POLA1: variants seen among roughly 807,000 people sequenced by gnomAD.
POLA1 encodes DNA polymerase alpha 1, catalytic subunit.
Under a neutral mutation model 124.0 loss-of-function variants are expected in POLA1, and 15 were observed. The ratio of observed to expected loss-of-function variants is 0.12; its 90% confidence interval spans 0.08 to 0.19. The LOEUF (loss-of-function observed/expected upper bound fraction) is 0.19, where lower values mean the gene tolerates loss of function less well. Among genes scored for constraint, POLA1 ranks in the 10% least tolerant of loss-of-function variants. The pLI is 1.00. For synonymous variants in POLA1, 408 were observed against 389.4 expected (o/e 1.05, Z -0.56); for missense variants, 886 against 1,103.4 (o/e 0.80, Z 2.79).
intron 34 of POLA1, among the ~76,000 whole-genome samples, chrX:24,885,037 G>A (rs1012030103): frequency 3.6e-5 from 4 of 112,086 alleles, no homozygotes; most frequent in Non-Finnish European, 7.5e-5. Context: ...TTGTGAAGTC[G>A]TAGTAAATTG....
At chrX:24,776,637 C>T (rs1288099567) in intron 26 of POLA1, among the ~76,000 whole-genome samples, 3 of 111,951 alleles carry the variant, frequency 2.7e-5, no homozygotes, top group Non-Finnish European at 5.6e-5. Context: ...AGCATGGGGC[C>T]TCATTTTCTG....
At chrX:24,986,523 A>G (rs2048483409) in intron 36 of POLA1, among the ~76,000 whole-genome samples, 1 of 109,666 alleles carries the variant, frequency 9.1e-6, no homozygotes, top group African/African-American at 3.3e-5. Context: ...TAATCTCAGC[A>G]CTGTGAGATG....
intron 35 of POLA1, among the ~76,000 whole-genome samples, chrX:24,916,287 C>T (rs867780695): frequency 2.4e-3 from 233 of 95,115 alleles, no homozygotes; most frequent in Non-Finnish European, 3.9e-3. Flanking sequence ...TTTCTTTTTT[C>T]TTTTTTTTTT....
At chrX:24,751,717 A>G (rs1932330403) in intron 26 of POLA1, among the ~76,000 whole-genome samples, 2 of 112,393 alleles carry the variant, frequency 1.8e-5, no homozygotes, top group South Asian at 7.4e-4. Flanking sequence ...GATAATTGTT[A>G]GCACTGGTGG....
intron 36 of POLA1, among the ~76,000 whole-genome samples, chrX:24,974,982 C>G (rs1226852499): frequency 8.9e-6 from 1 of 111,913 alleles, no homozygotes; most frequent in South Asian, 3.7e-4. Flanking sequence ...TTTCTAGACA[C>G]GAGGAAAATG....
At chrX:24,717,950 T>A (rs886812541) in intron 10 of POLA1, among the ~76,000 whole-genome samples, 192 bp downstream of exon 10, 2 of 111,015 alleles carry the variant, frequency 1.8e-5, no homozygotes, top group African/African-American at 6.6e-5. Context: ...TCACTTAACA[T>A]GTATTGTAAG....
rs193288839 is a variant in POLA1, at chrX:24,720,569, G to A, written c.1088-2586G>A. ...GTAGCTTTGTGGGGTATGAGAATGC[G>A]TAACACAAAAGCAAATGGTTCCCCA... On this transcript the variant is annotated intron_variant, in intron 10 of 36. Coordinates refer to ENST00000379068, the MANE Select transcript of POLA1 (RefSeq NM_001330360.2). Among the ~76,000 whole-genome samples, 11 of 111,790 alleles carry A rather than the reference G, an allele frequency of 9.8e-5. No individual in the cohort carries two copies. In the East Asian group the frequency reaches 1.4e-3, roughly 14 times the overall value.
chrX:24,912,358 G>A (rs2047460732), intron 35 of POLA1, among the ~76,000 whole-genome samples: 1 of 112,024 alleles, frequency 8.9e-6, no homozygotes, highest in Non-Finnish European at 1.9e-5. Flanking sequence ...AAAGAAAAAT[G>A]TTGATCACCT....
intron 4 of POLA1, among the ~76,000 whole-genome samples, chrX:24,709,525 C>T (rs867296318): frequency 3.1e-4 from 33 of 107,025 alleles, no homozygotes; most frequent in Middle Eastern, 5.3e-3. Context: ...GGGTGGCTGC[C>T]GGGCGGAGAC....
At chrX:24,842,835 T>A (rs1186343155) in intron 33 of POLA1, among the ~76,000 whole-genome samples, 1 of 111,929 alleles carries the variant, frequency 8.9e-6, no homozygotes, top group Non-Finnish European at 1.9e-5. Flanking sequence ...GATGTTTAAG[T>A]ATCAGAAAGG....
intron 34 of POLA1, among the ~76,000 whole-genome samples, chrX:24,847,233 G>A (rs1372111939): frequency 9.0e-6 from 1 of 111,499 alleles, no homozygotes; most frequent in Non-Finnish European, 1.9e-5. Flanking sequence ...CCTGGGAGGA[G>A]GATATTGGGT....
intron 36 of POLA1, among the ~76,000 whole-genome samples, chrX:24,972,870 A>T (rs956923969): frequency 8.9e-6 from 1 of 112,581 alleles, no homozygotes; most frequent in Non-Finnish European, 1.9e-5. Flanking sequence ...TTCATCCACA[A>T]TTAGCTTGCC....
chrX:24,959,075 C>G (rs1264674754), intron 36 of POLA1, among the ~76,000 whole-genome samples: 1 of 111,540 alleles, frequency 9.0e-6, no homozygotes, highest in African/African-American at 3.3e-5. Context: ...TTTACCCTCC[C>G]TTTCCCAGTC....
chrX:24,893,609 C>G (rs778045222), intron 35 of POLA1, among the ~76,000 whole-genome samples: 9 of 111,487 alleles, frequency 8.1e-5, no homozygotes, highest in African/African-American at 2.9e-4. Context: ...ATGGATTGTA[C>G]CTACTTTGAA....
At chrX:24,995,494 G>A (rs2048594287) in intron 36 of POLA1, among the ~76,000 whole-genome samples, 1 of 112,025 alleles carries the variant, frequency 8.9e-6, no homozygotes, top group Non-Finnish European at 1.9e-5. Context: ...GGTGAAAGTG[G>A]CGTCTGCGAG....
chrX:24,848,284 A>G (rs1174289850), intron 34 of POLA1, among the ~76,000 whole-genome samples: 2 of 112,209 alleles, frequency 1.8e-5, no homozygotes, highest in African/African-American at 6.5e-5. Context: ...TGAGGAATTT[A>G]AAAAATAATG....
At chrX:24,908,347 C>A (rs1157612492) in intron 35 of POLA1, among the ~76,000 whole-genome samples, 2 of 108,247 alleles carry the variant, frequency 1.8e-5, no homozygotes, top group South Asian at 4.2e-4. Context: ...ATTAACTCAT[C>A]ATTTTACATT....
At chrX:24,979,303 G>T (rs1157982121) in intron 36 of POLA1, among the ~76,000 whole-genome samples, 1 of 111,955 alleles carries the variant, frequency 8.9e-6, no homozygotes, top group Non-Finnish European at 1.9e-5. Context: ...AAATAAGTAT[G>T]TTGTAAGCAT....
chrX:24,754,944 C>T (rs1458762927), intron 26 of POLA1, among the ~76,000 whole-genome samples: 1 of 112,259 alleles, frequency 8.9e-6, no homozygotes, highest in Non-Finnish European at 1.9e-5. Flanking sequence ...TTTAATTCTG[C>T]CATCATCCAT....
Sources: gnomAD v4.1 joint callset for allele counts (sites outside exome capture counted in the v4.1 genomes callset) on GRCh38, gnomAD v4.1.1 for gene constraint, MANE v1.5 for transcripts, NCBI Gene and HGNC (gene_info 2026-07-23, HGNC 2026-07-21) for gene names.